Variants in ATP9A observed in about 807,000 individuals in gnomAD.
ATP9A encodes probable phospholipid-transporting ATPase IIA.
In ATP9A, 52 loss-of-function variants were observed where a neutral mutation model predicts 144.1. The ratio of observed to expected loss-of-function variants is 0.36; its 90% CI spans 0.29 to 0.45. ATP9A has a LOEUF of 0.45. ATP9A is among the 20% of genes least tolerant of loss of function. The probability of loss-of-function intolerance (pLI) is 1.00; values close to 1 mark genes in which losing one functional copy is unlikely to be tolerated. For missense variants in ATP9A, 947 were observed against 1,392.7 expected (o/e 0.68, Z 5.09); for synonymous variants, 582 against 557.4 (o/e 1.04, Z -0.62).
At chr20:51,681,675 G>C (rs2077500350) in intron 9 of ATP9A, among the ~76,000 whole-genome samples, 1 of 152,120 alleles carries the variant, frequency 6.6e-6, no homozygotes, top group Admixed American at 6.5e-5. Flanking sequence ...ACTCGCCTCA[G>C]CCTCCCAAAG....
chr20:51,633,898 G>A (rs1369209645), intron 15 of ATP9A, among the ~76,000 whole-genome samples: 1 of 150,556 alleles, frequency 6.6e-6, no homozygotes, highest in Admixed American at 6.6e-5. Flanking sequence ...AAAAGAGGGA[G>A]GGAGGGAGGA....
At position 51,599,579 on chromosome 20, in the gene ATP9A, TTAACCAGTAC is replaced by T. The variant is rs1822740937; in HGVS notation, c.*1622_*1631del. 1.3e-5 allele frequency: 2 copies of T among 152,184 alleles called. No homozygotes were observed. Among genetic ancestry groups the T allele is most frequent in the African/African-American group, 2.4e-5 (1 of 41,446 alleles). The allele number at this position is 152,184 out of a possible 1,614,324, so 9.4% of individuals were successfully genotyped here. A position where few individuals can be genotyped will look rare whatever the true frequency, so the allele number is the denominator to read the frequency against. On this transcript the variant is annotated 3_prime_UTR_variant, in exon 28 of 28. Coordinates refer to ENST00000338821, the MANE Select transcript of ATP9A (RefSeq NM_006045.3). Reference sequence around the variant, plus strand: ...AAATAGATGTGGTGTCAACAGCCAATTAACCAGTACCTGCAACGTAAAGTCATTCTAGAAC... The same window carrying T: ...AAATAGATGTGGTGTCAACAGCCAATCTGCAACGTAAAGTCATTCTAGAAC...
At chr20:51,701,395 G>C (rs2077592660) in intron 4 of ATP9A, among the ~76,000 whole-genome samples, 1 of 152,048 alleles carries the variant, frequency 6.6e-6, no homozygotes, top group African/African-American at 2.4e-5. Context: ...GCTTTCCTAA[G>C]AAGAAAAAAA....
intron 1 of ATP9A, among the ~76,000 whole-genome samples, chr20:51,763,006 C>T (rs1195174161): frequency 2.0e-5 from 3 of 152,068 alleles, no homozygotes; most frequent in African/African-American, 7.2e-5. Flanking sequence ...AGGTGTGAGC[C>T]ACCAAGCCCA....
intron 3 of ATP9A, among the ~76,000 whole-genome samples, chr20:51,719,594 G>T (rs182442739): frequency 6.6e-6 from 1 of 151,934 alleles, no homozygotes; most frequent in African/African-American, 2.4e-5. Context: ...TTAGCTGGGC[G>T]TGGTGGCACG....
At chr20:51,657,573 C>T (rs917864327) in intron 13 of ATP9A, among the ~76,000 whole-genome samples, 2 of 152,158 alleles carry the variant, frequency 1.3e-5, no homozygotes, top group African/African-American at 4.8e-5. Context: ...TGTCCTCCAG[C>T]CACCAGATGC....
intron 23 of ATP9A, among the ~76,000 whole-genome samples, chr20:51,612,749 T>C (rs534652761): frequency 1.3e-5 from 2 of 152,216 alleles, no homozygotes; most frequent in East Asian, 1.9e-4. Context: ...TTGAAGAAGT[T>C]TGTGAGAGAG....
chr20:51,674,736 C>G (rs1263151052), intron 10 of ATP9A, among the ~76,000 whole-genome samples: 1 of 152,178 alleles, frequency 6.6e-6, no homozygotes, highest in Non-Finnish European at 1.5e-5. Flanking sequence ...GCACCCTACC[C>G]AACACCAACT....
intron 13 of ATP9A, among the ~76,000 whole-genome samples, chr20:51,657,459 G>A (rs2077392124): frequency 6.6e-6 from 1 of 152,042 alleles, no homozygotes; most frequent in African/African-American, 2.4e-5. Flanking sequence ...GACAGAATGA[G>A]GACCCCACTG....
chr20:51,642,924 G>A (rs551814535), intron 14 of ATP9A, among the ~76,000 whole-genome samples: 2 of 151,916 alleles, frequency 1.3e-5, no homozygotes, highest in Non-Finnish European at 2.9e-5. Context: ...AGATCAAGCT[G>A]GAGCTCAAAA....
intron 1 of ATP9A, among the ~76,000 whole-genome samples, chr20:51,764,854 T>C (rs1383133438): frequency 2.6e-5 from 4 of 152,076 alleles, no homozygotes; most frequent in South Asian, 2.1e-4. Context: ...CCCCAGTAGC[T>C]GGAATTACAG....
intron 1 of ATP9A, among the ~76,000 whole-genome samples, chr20:51,733,663 G>A (rs1289409271): frequency 2.1e-5 from 3 of 142,306 alleles, no homozygotes; most frequent in Non-Finnish European, 4.5e-5. Flanking sequence ...GTGAGCCACT[G>A]TACCTGGCCT....
At chr20:51,637,960 G>A (rs578181452) in intron 15 of ATP9A, among the ~76,000 whole-genome samples, 15 of 149,558 alleles carry the variant, frequency 1.0e-4, no homozygotes, top group Admixed American at 8.0e-4. Flanking sequence ...TACGACATTT[G>A]GCTTTCCATT....
intron 13 of ATP9A, among the ~76,000 whole-genome samples, chr20:51,657,540 T>C (rs903388864): frequency 1.3e-5 from 2 of 152,030 alleles, no homozygotes; most frequent in Non-Finnish European, 2.9e-5. Context: ...GGGGACATTA[T>C]ATAGGGTGTT....
rs1224735469 is a variant in ATP9A at position 51,627,696 on chromosome 20, C to A, written c.1762-13G>T. On this transcript the variant is annotated splice_polypyrimidine_tract_variant and intron_variant, in intron 16 of 27. Transcript: ENST00000338821. ...CCATGTTGCCACACTGAAAAATAGA[C>A]CACGGTCGAGTGGGAGCGGTGCTGA... 6.2e-7 allele frequency: 1 copy of A among 1,613,132 alleles called. No homozygotes were observed. Among genetic ancestry groups the A allele is most frequent in the Non-Finnish European group, 8.5e-7 (1 of 1,179,184 alleles).
At chr20:51,725,334 C>A (rs2077707680) in intron 3 of ATP9A, among the ~76,000 whole-genome samples, 1 of 152,062 alleles carries the variant, frequency 6.6e-6, no homozygotes, top group Non-Finnish European at 1.5e-5. Flanking sequence ...GTTGCCCAGG[C>A]TGGTCTCAAA....
chr20:51,642,726 C>CAAAAAAAAAAAAAAAAAAAAAAAAAAA lies in ATP9A; in HGVS notation c.1507-3249_1507-3223dup, dbSNP rs778440862. On this transcript the variant is annotated intron_variant, in intron 14 of 27. Coordinates refer to ENST00000338821, the MANE Select transcript of ATP9A (RefSeq NM_006045.3). ...GGGTGACTGAGTGAGACTCTGTCTC[C>CAAAAAAAAAAAAAAAAAAAAAAAAAAA]AAAAAAAAAAAAAAAAAAAAAAAAA... is the stretch of plus-strand genomic sequence containing the variant. 1.6e-4 allele frequency among the ~76,000 whole-genome samples: 5 copies of CAAAAAAAAAAAAAAAAAAAAAAAAAAA among 31,146 alleles called. 1 individual carries two copies. Among genetic ancestry groups the CAAAAAAAAAAAAAAAAAAAAAAAAAAA allele is most frequent in the South Asian group, 1.6e-3 (1 of 644 alleles). 20.4% of individuals were successfully genotyped at this position (31,146 alleles called of 152,430 possible).
intron 1 of ATP9A, among the ~76,000 whole-genome samples, chr20:51,768,052 C>T (rs1192038039): frequency 6.6e-6 from 1 of 152,008 alleles, no homozygotes; most frequent in Non-Finnish European, 1.5e-5. Flanking sequence ...CTCGGGGTTT[C>T]TAAAGGAAGG....
intron 27 of ATP9A, 129 bp downstream of exon 27, chr20:51,604,688 C>T (rs961372692): frequency 7.7e-6 from 6 of 782,302 alleles, no homozygotes; most frequent in South Asian, 3.0e-5. Context: ...GACAGCTGAG[C>T]GGGAAGGACT....
Sources: allele counts gnomAD v4.1 joint callset (sites outside exome capture counted in the v4.1 genomes callset), GRCh38; gene constraint gnomAD v4.1.1; transcripts MANE v1.5; gene names NCBI Gene and HGNC (gene_info 2026-07-23, HGNC 2026-07-21).